The following PNKD variants were observed in gnomAD, a reference collection of about 807,000 sequenced individuals.
The protein encoded by PNKD is PNKD metallo-beta-lactamase domain containing, also known as probable thioesterase PNKD.
In PNKD, 36 loss-of-function variants were observed where a neutral mutation model predicts 45.3. The observed-to-expected ratio is 0.80, with a 90% confidence interval of 0.61 to 1.05. PNKD has a LOEUF of 1.05. PNKD is among the 50% of genes least tolerant of loss of function. The pLI, the probability that PNKD is intolerant of heterozygous loss-of-function variation, is 0.00. For missense variants in PNKD, 511 were observed against 506.6 expected, an observed-to-expected ratio of 1.01 and a Z score of -0.08; for synonymous variants, 197 against 210.1, an observed-to-expected ratio of 0.94 and a Z score of 0.54.
chr2:218,322,957 A>G (rs1187308470), intron 2 of PNKD, among the ~76,000 whole-genome samples: 2 of 151,782 alleles, frequency 1.3e-5, no homozygotes, highest in Non-Finnish European at 2.9e-5. Flanking sequence ...GCGAACTGCG[A>G]GCTCCTGCCC....
intron 2 of PNKD, among the ~76,000 whole-genome samples, chr2:218,328,317 C>G (rs572326698): frequency 5.1e-4 from 78 of 152,298 alleles, no homozygotes; most frequent in African/African-American, 1.6e-3. Flanking sequence ...CTTCAGGTCT[C>G]TGCTCAAATT....
At chr2:218,324,926 A>C (rs1242106846) in intron 2 of PNKD, among the ~76,000 whole-genome samples, 4 of 147,172 alleles carry the variant, frequency 2.7e-5, no homozygotes, top group Non-Finnish European at 5.9e-5. Flanking sequence ...ACAGAGTGAG[A>C]CTCCGTCTCA....
At chr2:218,286,938 G>C (rs1692569016) in intron 2 of PNKD, 1 of 152,162 alleles carries the variant, frequency 6.6e-6, no homozygotes, top group Non-Finnish European at 1.5e-5. Flanking sequence ...CTGACGATTT[G>C]TTCCCCTCCC....
chr2:218,332,144 C>T (rs1019601955), intron 2 of PNKD, among the ~76,000 whole-genome samples: 4 of 152,100 alleles, frequency 2.6e-5, no homozygotes, highest in African/African-American at 7.2e-5. Flanking sequence ...CAAAATGCGG[C>T]GCTTTAGGAA....
At position 218,344,528 on chromosome 2, in the gene PNKD, G is replaced by A. The variant is rs1264866250; in HGVS notation, c.942G>A (p.Lys314=). The A allele has an allele frequency of 1.9e-6, 3 of 1,592,742 alleles. No individual in the cohort carries two copies. Among genetic ancestry groups the A allele is most frequent in the East Asian group, 2.3e-5 (1 of 43,960 alleles). The change falls in exon 9 of 10, where the codon AAG becomes AAA. Residue 314 remains lysine (K), a synonymous_variant. Transcript: ENST00000273077. ...CCGAGAACCTGGCCCGGGAGAGGAA[G>A]ATGCAGTGGGTGCAGCGGCAGCGGC... The part of the protein sequence containing the change: ...VEPENLARER[K]MQWVQRQRLE...
chr2:218,281,464 A>G (rs963727722), intron 2 of PNKD, among the ~76,000 whole-genome samples: 4 of 152,182 alleles, frequency 2.6e-5, no homozygotes, highest in African/African-American at 9.7e-5. Flanking sequence ...AAACACAAGC[A>G]TGTCCCTGCC....
intron 1 of PNKD, 141 bp from the exon 2 acceptor site, chr2:218,271,240 C>T: frequency 2.5e-6 from 2 of 806,316 alleles, no homozygotes; most frequent in Non-Finnish European, 4.4e-6. Flanking sequence ...TTTGGATTCT[C>T]CTTGGCACTT....
At chr2:218,335,754 A>C (rs1559530104) in intron 2 of PNKD, among the ~76,000 whole-genome samples, 1 of 152,252 alleles carries the variant, frequency 6.6e-6, no homozygotes, top group Non-Finnish European at 1.5e-5. Flanking sequence ...CCATGGGTAC[A>C]TAGAGCAGAC....
rs1694167125 is a variant in PNKD at position 218,326,835 on chromosome 2, G to A, written c.237-12948G>A. 6.6e-6 allele frequency: 1 copy of A among 152,220 alleles called. No homozygotes were observed. The highest frequency in any genetic ancestry group is 1.5e-5 in the Non-Finnish European group (1 of 68,106). 9.4% of individuals were successfully genotyped at this position (152,220 alleles called of 1,614,324 possible). A position where few individuals can be genotyped will look rare whatever the true frequency, so the allele number is the denominator to read the frequency against. ...TCCCAGATATGAACAGGTTCTGATC[G>A]CTGTTCTGCAGGGAAGGGGAAAGCA... On this transcript the variant is annotated intron_variant, in intron 2 of 9. Coordinates refer to ENST00000273077, the MANE Select transcript of PNKD (RefSeq NM_015488.5). This position sits in a 1 kb window ranked among gnomAD's most constrained non-coding sequence, Gnocchi z 4.1.
chr2:218,301,203 AC>A (rs1693258668), intron 2 of PNKD, among the ~76,000 whole-genome samples: 1 of 152,200 alleles, frequency 6.6e-6, no homozygotes. Flanking sequence ...AGTTGCACTA[AC>A]CACATTTTAT....
chr2:218,277,877 C>G, intron 2 of PNKD: 1 of 1,610,768 alleles, frequency 6.2e-7, no homozygotes, highest in Non-Finnish European at 8.5e-7. Context: ...CATCCCTTCC[C>G]TGGGAGCAGT....
intron 2 of PNKD, chr2:218,276,190 T>A: frequency 8.7e-7 from 1 of 1,150,596 alleles, no homozygotes; most frequent in Non-Finnish European, 1.3e-6. Context: ...GCTGGGAAGC[T>A]AGCTCTCCAT....
chr2:218,331,102 G>A (rs995434364), intron 2 of PNKD, among the ~76,000 whole-genome samples: 9 of 152,176 alleles, frequency 5.9e-5, no homozygotes, highest in African/African-American at 2.2e-4. Flanking sequence ...AAGGTGGGAC[G>A]GGGGATTGAA....
chr2:218,272,785 C>CTAT, intron 2 of PNKD: 1 of 1,613,968 alleles, frequency 6.2e-7, no homozygotes, highest in Non-Finnish European at 8.5e-7. Flanking sequence ...CCCTCCTAGG[C>CTAT]TATTGACTGT....
intron 2 of PNKD, among the ~76,000 whole-genome samples, chr2:218,302,814 A>T (rs1310864082): frequency 7.2e-5 from 11 of 152,216 alleles, no homozygotes; most frequent in Non-Finnish European, 1.6e-4. Flanking sequence ...GCGGGGGGAC[A>T]GGGGCGCAGA....
intron 2 of PNKD, among the ~76,000 whole-genome samples, chr2:218,314,395 A>T (rs1016457777): frequency 1.3e-5 from 2 of 150,932 alleles, no homozygotes; most frequent in African/African-American, 2.4e-5. Context: ...CTGATTTTTT[A>T]AATTTTTTGT....
chr2:218,289,636 A>AAC (rs1165151846), intron 2 of PNKD, among the ~76,000 whole-genome samples: 4 of 150,566 alleles, frequency 2.7e-5, no homozygotes, highest in Admixed American at 2.0e-4. Flanking sequence ...AAAAAAAAAA[A>AAC]AAAAAAAAAA....
chr2:218,272,836 G>A (rs1232501609), intron 2 of PNKD: 2 of 1,610,990 alleles, frequency 1.2e-6, no homozygotes, highest in East Asian at 4.5e-5. Flanking sequence ...TCGTGCCTCT[G>A]AGGTCCACCA....
At chr2:218,323,161 C>T in intron 2 of PNKD, 2 of 1,347,036 alleles carry the variant, frequency 1.5e-6, no homozygotes, top group Non-Finnish European at 1.9e-6. Flanking sequence ...GGGGCCACAA[C>T]GCCCCCACGT....
Sources: allele counts gnomAD v4.1 joint callset (sites outside exome capture counted in the v4.1 genomes callset), GRCh38; gene constraint gnomAD v4.1.1; non-coding constraint Gnocchi (gnomAD v3.1); transcripts MANE v1.5; gene names NCBI Gene and HGNC (gene_info 2026-07-23, HGNC 2026-07-21).